Variants in UNC13C observed in about 807,000 individuals in gnomAD.
UNC13C encodes protein unc-13 homolog C.
A neutral mutation model predicts 245.4 loss-of-function variants in UNC13C; 174 were observed. The ratio of observed to expected loss-of-function variants is 0.71; its 90% CI spans 0.63 to 0.80. The LOEUF (loss-of-function observed/expected upper bound fraction) is 0.80. Ranked by LOEUF, UNC13C falls within the 30% of genes least tolerant of loss-of-function variation. The pLI is 0.00. For missense variants in UNC13C, 2,829 were observed against 2,602.9 expected, an observed-to-expected ratio of 1.09 and a Z score of -1.89; for synonymous variants, 992 against 895.1, an observed-to-expected ratio of 1.11 and a Z score of -1.93.
At chr15:54,395,494 A>G (rs1177299933) in intron 18 of UNC13C, among the ~76,000 whole-genome samples, 2 of 151,904 alleles carry the variant, frequency 1.3e-5, no homozygotes, top group Admixed American at 1.3e-4. Flanking sequence ...GAAGTCTGCA[A>G]TATTAATAAA....
the UNC13C span, among the ~76,000 whole-genome samples, chr15:53,934,033 C>T: frequency 6.6e-6 from 1 of 152,176 alleles, no homozygotes; most frequent in African/African-American, 2.4e-5. Flanking sequence ...GGTGAGGCCT[C>T]AGGAAGCTTA....
chr15:53,946,444 TTTTTTTG>T, the UNC13C span, among the ~76,000 whole-genome samples: 2 of 80,494 alleles, frequency 2.5e-5, no homozygotes, highest in Middle Eastern at 6.2e-3. Context: ...GAGGTGTTCT[TTTTTTTG>T]TTTTTTTTTT....
intron 19 of UNC13C, among the ~76,000 whole-genome samples, chr15:54,464,634 C>G (rs565767456): frequency 6.6e-6 from 1 of 152,062 alleles, no homozygotes; most frequent in Admixed American, 6.5e-5. Context: ...ACTTTTAAAT[C>G]AAATTTTTAT....
At chr15:54,052,551 G>A (rs377320652) in intron 2 of UNC13C, among the ~76,000 whole-genome samples, 1 of 152,180 alleles carries the variant, frequency 6.6e-6, no homozygotes, top group East Asian at 1.9e-4. Context: ...AATTTTTGTT[G>A]GTATTTTACA....
chr15:54,226,672 C>T (rs1397183484), intron 4 of UNC13C, among the ~76,000 whole-genome samples: 1 of 152,186 alleles, frequency 6.6e-6, no homozygotes, highest in African/African-American at 2.4e-5. Flanking sequence ...TGGGGTCCAG[C>T]CACGGTGTAA....
At chr15:54,580,973 C>A (rs1161323276) in intron 30 of UNC13C, among the ~76,000 whole-genome samples, 1 of 152,134 alleles carries the variant, frequency 6.6e-6, no homozygotes, top group African/African-American at 2.4e-5. Flanking sequence ...GTACTGTGCA[C>A]AAAGCACTGT....
At chr15:54,434,260 A>T (rs576099378) in intron 19 of UNC13C, among the ~76,000 whole-genome samples, 1 of 152,106 alleles carries the variant, frequency 6.6e-6, no homozygotes, top group Non-Finnish European at 1.5e-5. Flanking sequence ...ACAACAACAA[A>T]AAAAAGCCCA....
chr15:54,568,342 A>G (rs2141217663), intron 30 of UNC13C, among the ~76,000 whole-genome samples: 1 of 152,228 alleles, frequency 6.6e-6, no homozygotes, highest in Admixed American at 6.5e-5. Flanking sequence ...CCTAAATCCT[A>G]ATTTCGAATG....
chr15:53,851,494 C>T, the UNC13C span, among the ~76,000 whole-genome samples: 5 of 152,150 alleles, frequency 3.3e-5, no homozygotes, highest in South Asian at 2.1e-4. Context: ...ACTCTCATAG[C>T]CCCTGTTACA....
In UNC13C at chr15:54,264,596, T is replaced by A. The variant is rs542274793; in HGVS notation, c.3676+201T>A. On this transcript the variant is annotated intron_variant, in intron 9 of 32. Transcript: ENST00000260323. ...AATTTTAGTCTGTGTCTTGTTCTAA[T>A]CAAAATTTCTTTCATAGGAAAAAGT... is the stretch of plus-strand genomic sequence containing the variant. Among the ~76,000 whole-genome samples the A allele has an allele frequency of 2.0e-5, 3 of 151,062 alleles. No homozygotes were observed. The East Asian group carries it at 5.8e-4, about 29-fold the overall frequency.
chr15:54,063,033 G>T (rs1313150145), intron 2 of UNC13C, among the ~76,000 whole-genome samples: 1 of 152,206 alleles, frequency 6.6e-6, no homozygotes, highest in Non-Finnish European at 1.5e-5. Flanking sequence ...GATAATTGTA[G>T]TGGGAATAGA....
At chr15:53,950,520 A>G in the UNC13C span, among the ~76,000 whole-genome samples, 36 of 151,794 alleles carry the variant, frequency 2.4e-4, no homozygotes, top group African/African-American at 8.0e-4. Context: ...CTAATTTTAT[A>G]ATAATTTCTC....
intron 2 of UNC13C, among the ~76,000 whole-genome samples, chr15:54,042,567 ACT>A (rs1896850462): frequency 6.6e-6 from 1 of 152,202 alleles, no homozygotes; most frequent in Non-Finnish European, 1.5e-5. Flanking sequence ...GAAACCACTT[ACT>A]GAGGCCGGGT....
At chr15:54,293,231 C>T (rs539176742) in intron 10 of UNC13C, among the ~76,000 whole-genome samples, 1 of 151,856 alleles carries the variant, frequency 6.6e-6, no homozygotes, top group South Asian at 2.1e-4. Context: ...GCAAAGAAGC[C>T]TAGGGAAGAG....
chr15:54,536,860 C>G (rs774955557), intron 26 of UNC13C, among the ~76,000 whole-genome samples: 24 of 151,998 alleles, frequency 1.6e-4, no homozygotes, highest in Admixed American at 5.2e-4. Context: ...TATGACAAAC[C>G]CACAACCAAC....
chr15:54,169,815 A>G (rs12902957), intron 4 of UNC13C, among the ~76,000 whole-genome samples: 29,967 of 151,910 alleles, frequency 0.2, 3,123 homozygotes, highest in South Asian at 0.29. Context: ...CCCTGGCTCT[A>G]TAGTTTATAT....
At chr15:54,152,280 C>A (rs1002444908) in intron 4 of UNC13C, among the ~76,000 whole-genome samples, 2 of 152,044 alleles carry the variant, frequency 1.3e-5, no homozygotes, top group Non-Finnish European at 2.9e-5. Context: ...TGGCAGCTAG[C>A]GGGGCCAATC....
At chr15:54,048,502 T>G (rs981400271) in intron 2 of UNC13C, 2 of 599,006 alleles carry the variant, frequency 3.3e-6, no homozygotes, top group African/African-American at 3.8e-5. Context: ...CCTGTATGTT[T>G]CCACTAAACC....
intron 1 of UNC13C, among the ~76,000 whole-genome samples, chr15:54,005,445 G>A (rs567169024): frequency 2.6e-5 from 4 of 152,076 alleles, no homozygotes; most frequent in African/African-American, 7.2e-5. Context: ...TCAGGCTCTC[G>A]TATTCTTCAT....
Sources: allele counts gnomAD v4.1 joint callset (sites outside exome capture counted in the v4.1 genomes callset), GRCh38; gene constraint gnomAD v4.1.1; transcripts MANE v1.5; gene names NCBI Gene and HGNC (gene_info 2026-07-23, HGNC 2026-07-21).